TERF2: variants seen among roughly 807,000 people sequenced by gnomAD.
The protein encoded by TERF2 is telomeric repeat binding factor 2, also known as telomeric repeat-binding factor 2.
Under a neutral mutation model 56.1 loss-of-function variants are expected in TERF2, and 16 were observed. The ratio of observed to expected loss-of-function variants is 0.29; its 90% CI spans 0.19 to 0.43. The LOEUF is 0.43. Ranked by LOEUF, TERF2 falls within the 20% of genes least tolerant of loss-of-function variation. TERF2 has a pLI of 1.00. For synonymous variants in TERF2, 296 were observed against 282.1 expected, an observed-to-expected ratio of 1.05 and a Z score of -0.50; for missense variants, 547 against 712.9, an observed-to-expected ratio of 0.77 and a Z score of 2.65.
intron 4 of TERF2, 61 bp from the exon 5 acceptor site, chr16:69,370,690 T>G: frequency 2.0e-6 from 3 of 1,519,280 alleles, no homozygotes; most frequent in Non-Finnish European, 2.7e-6. Flanking sequence ...AATTCAATGA[T>G]GATGAGGTGA....
chr16:69,358,138 G>A (rs1567442419), intron 8 of TERF2, among the ~76,000 whole-genome samples: 2 of 152,072 alleles, frequency 1.3e-5, no homozygotes, highest in East Asian at 3.9e-4. Flanking sequence ...TCAGCCTCCC[G>A]AGTAGCTGGG....
At chr16:69,369,836 G>A (rs745872085) in intron 5 of TERF2, among the ~76,000 whole-genome samples, 50 of 152,126 alleles carry the variant, frequency 3.3e-4, no homozygotes, top group Middle Eastern at 3.4e-3. Flanking sequence ...CAACTCCATC[G>A]TACCACATCT....
In TERF2 at chr16:69,385,861, C is replaced by T. The variant is rs1434173289; in HGVS notation, c.111G>A (p.Ala37=). The T allele has an allele frequency of 1.5e-6, 2 of 1,369,964 alleles. No individual in the cohort carries two copies. The highest frequency in any genetic ancestry group is 1.9e-6 in the Non-Finnish European group (2 of 1,059,218). The allele number at this position is 1,369,964 out of a possible 1,614,324, so 84.9% of individuals were successfully genotyped here. ...KRPGREGGEG[A]RRSDTMAGGG... ...CTCCCGCCATCGTGTCCGATCGCCG[C>T]GCGCCCTCCCCGCCCTCCCGGCCGG... Residue 37 remains alanine, a synonymous_variant, in exon 1 of 10, where the codon GCG becomes GCA. Coordinates refer to ENST00000254942, the MANE Select transcript of TERF2 (RefSeq NM_005652.5).
intron 6 of TERF2, among the ~76,000 whole-genome samples, chr16:69,367,740 C>G (rs1239784818): frequency 6.6e-6 from 1 of 152,180 alleles, no homozygotes; most frequent in Non-Finnish European, 1.5e-5. Context: ...ATCCATCTGG[C>G]AGCCTGTCTT....
chr16:69,368,538 C>G, intron 5 of TERF2, 56 bp from the exon 6 acceptor site: 2 of 1,602,740 alleles, frequency 1.2e-6, no homozygotes, highest in Non-Finnish European at 1.7e-6. Flanking sequence ...CATTAATTCT[C>G]TGCTTCTTTC....
intron 3 of TERF2, among the ~76,000 whole-genome samples, chr16:69,384,140 T>C (rs2014101345): frequency 6.6e-6 from 1 of 152,218 alleles, no homozygotes; most frequent in African/African-American, 2.4e-5. Context: ...TTCTAATCTA[T>C]CTGTTCAAAA....
intron 3 of TERF2, among the ~76,000 whole-genome samples, chr16:69,372,768 A>C (rs945980140): frequency 2.0e-5 from 3 of 152,196 alleles, no homozygotes; most frequent in Non-Finnish European, 2.9e-5. Context: ...CATCTCAAAA[A>C]AAACAAACAA....
intron 3 of TERF2, among the ~76,000 whole-genome samples, chr16:69,383,675 T>A (rs1349070077): frequency 1.3e-5 from 2 of 152,248 alleles, no homozygotes; most frequent in Non-Finnish European, 2.9e-5. Flanking sequence ...GCACACTAGT[T>A]GTTTTTTAAT....
intron 1 of TERF2, 31 bp downstream of exon 1, chr16:69,385,562 T>TG: frequency 2.3e-5 from 21 of 930,612 alleles, no homozygotes; most frequent in Non-Finnish European, 3.2e-5. Flanking sequence ...TCCCCGGCGC[T>TG]CCAACCCCCC....
intron 3 of TERF2, among the ~76,000 whole-genome samples, chr16:69,378,021 A>T (rs904040729): frequency 1.3e-5 from 2 of 152,130 alleles, no homozygotes; most frequent in Non-Finnish European, 2.9e-5. Context: ...TACCATTAAG[A>T]ATGTTAGCTG....
chr16:69,373,846 A>G (rs2013665994), intron 3 of TERF2, among the ~76,000 whole-genome samples: 1 of 152,172 alleles, frequency 6.6e-6, no homozygotes, highest in African/African-American at 2.4e-5. Context: ...ACAAACAATA[A>G]AAGGAAAATT....
chr16:69,358,920 G>A (rs2013022587), intron 8 of TERF2, among the ~76,000 whole-genome samples: 1 of 152,200 alleles, frequency 6.6e-6, no homozygotes, highest in Non-Finnish European at 1.5e-5. Context: ...GATATATGGT[G>A]TAGCCTATTT....
chr16:69,364,433 G>A (rs1022439822), intron 7 of TERF2, among the ~76,000 whole-genome samples: 8 of 152,090 alleles, frequency 5.3e-5, no homozygotes, highest in Admixed American at 1.3e-4. Flanking sequence ...CCAGGAGCCT[G>A]GGAATATGTA....
At chr16:69,372,720 C>T (rs927396137) in intron 3 of TERF2, among the ~76,000 whole-genome samples, 2 of 152,140 alleles carry the variant, frequency 1.3e-5, no homozygotes, top group African/African-American at 2.4e-5. Flanking sequence ...CGAGATCGCG[C>T]CACTGCACTC....
chr16:69,362,159 A>G (rs562889442), intron 7 of TERF2, among the ~76,000 whole-genome samples: 23 of 151,832 alleles, frequency 1.5e-4, no homozygotes, highest in Non-Finnish European at 3.1e-4. Context: ...ACCTGTGCAA[A>G]CAGCACAGCC....
intron 7 of TERF2, chr16:69,365,468 T>A (rs1010101912): frequency 6.6e-6 from 1 of 152,382 alleles, no homozygotes; most frequent in African/African-American, 2.4e-5. Context: ...GGGAGATCCA[T>A]AAGGTGGATC....
intron 3 of TERF2, 87 bp from the exon 4 acceptor site, chr16:69,372,442 T>C (rs1001333642): frequency 6.8e-6 from 6 of 875,942 alleles, no homozygotes; most frequent in African/African-American, 5.1e-5. Context: ...CTCTCTCACA[T>C]CATATCAAAT....
chr16:69,366,758 C>A, intron 7 of TERF2, 49 bp downstream of exon 7: 1 of 1,558,534 alleles, frequency 6.4e-7, no homozygotes, highest in Non-Finnish European at 8.7e-7. Flanking sequence ...CCAGGCCCAA[C>A]CAGGACCACC....
intron 7 of TERF2, chr16:69,365,547 G>C (rs886809553): frequency 6.6e-6 from 1 of 152,438 alleles, no homozygotes; most frequent in African/African-American, 2.4e-5. Flanking sequence ...TTTTTGAGAC[G>C]GAGTCACACT....
Sources: allele counts gnomAD v4.1 joint callset (sites outside exome capture counted in the v4.1 genomes callset), GRCh38; gene constraint gnomAD v4.1.1; transcripts MANE v1.5; gene names NCBI Gene and HGNC (gene_info 2026-07-23, HGNC 2026-07-21).